PLEKHH2: variants seen among roughly 807,000 people sequenced by gnomAD.
The protein encoded by PLEKHH2 is pleckstrin homology, MyTH4 and FERM domain containing H2, also known as pleckstrin homology domain-containing family H member 2.
In PLEKHH2, 129 loss-of-function variants were observed where a neutral mutation model predicts 187.9. The ratio of observed to expected loss-of-function variants is 0.69; its 90% CI spans 0.59 to 0.79. The LOEUF is 0.79. Ranked by LOEUF, PLEKHH2 falls within the 30% of genes least tolerant of loss-of-function variation. PLEKHH2 has a pLI of 0.00. For missense variants in PLEKHH2, 2,076 were observed against 1,751.2 expected, an observed-to-expected ratio of 1.19 and a Z score of -3.31; for synonymous variants, 686 against 605.6, an observed-to-expected ratio of 1.13 and a Z score of -1.95.
chr2:43,687,019 C>T (rs576348074), intron 3 of PLEKHH2, among the ~76,000 whole-genome samples: 3 of 152,168 alleles, frequency 2.0e-5, no homozygotes, highest in African/African-American at 7.2e-5. Context: ...ATTTTAGACT[C>T]AGAGGGTACA....
Position 43,694,528 on chromosome 2 carries a change from T to C in PLEKHH2, c.420+14T>C. On this transcript the variant is annotated intron_variant, in intron 5 of 29. Transcript: ENST00000282406. ...AAGTTAAATGAGGTATTTATTGCTA[T>C]ATGTTTTCCTTTTCTTTACCTTTTA... 1.3e-6 allele frequency: 2 copies of C among 1,526,306 alleles called. No individual in the cohort carries two copies. The highest frequency in any genetic ancestry group is 8.8e-7 in the Non-Finnish European group (1 of 1,132,310). 94.5% of individuals were successfully genotyped at this position (1,526,306 alleles called of 1,614,324 possible).
rs759891012 is a variant in PLEKHH2, at chr2:43,762,338, T to C, written c.4106T>C (p.Leu1369Ser). 1 of 1,613,284 alleles carries C rather than the reference T, an allele frequency of 6.2e-7. No homozygotes were observed. Among genetic ancestry groups the C allele is most frequent in the South Asian group, 1.1e-5 (1 of 91,062 alleles). Residue 1369 changes from leucine (L) to serine (S), a missense_variant, in exon 28 of 30, where the codon TTG (leucine) becomes TCG (serine). Leu to Ser is a moderately radical substitution (Grantham distance 145). Transcript: ENST00000282406. The stretch of plus-strand genomic sequence containing the variant: ...CCATCATCACTTGGAAGTACTTTCT[T>C]GTGGCTGGCTGTACATGAGGATGGT... The part of the protein sequence containing the change: ...ITPSSLGSTF[L>S]WLAVHEDGLS...
chr2:43,699,777 T>A lies in PLEKHH2; in HGVS notation c.819T>A (p.Gly273=), dbSNP rs879218999. Residue 273 remains glycine (G), a synonymous_variant, in exon 8 of 30, where the codon GGT becomes GGA. Transcript: ENST00000282406. ...CAAGAACAAGCTTTGCCACAGATGG[T>A]GGCATCTCCCAGAATTCTGGGGCTC... ...RKTRTSFATD[G]GISQNSGAPV... is the part of the protein sequence containing the mutation. 8.1e-6 allele frequency: 13 copies of A among 1,613,998 alleles called. No homozygotes were observed. In the South Asian group the frequency reaches 1.2e-4, roughly 15 times the overall value.
chr2:43,696,487 C>A (rs1485405508), intron 6 of PLEKHH2, among the ~76,000 whole-genome samples: 475 of 112,306 alleles, frequency 4.2e-3, no homozygotes, highest in South Asian at 4.9e-3. Flanking sequence ...CACCCTGTCT[C>A]AAAAAAAAAA....
chr2:43,723,259 G>A (rs544412377), intron 16 of PLEKHH2, among the ~76,000 whole-genome samples: 1 of 152,120 alleles, frequency 6.6e-6, no homozygotes, highest in East Asian at 1.9e-4. Flanking sequence ...AGGGTTTTTG[G>A]CAGGCCTGAG....
intron 11 of PLEKHH2, among the ~76,000 whole-genome samples, chr2:43,708,586 T>C (rs6716551): frequency 0.54 from 82,450 of 152,072 alleles, 23,402 homozygotes; most frequent in African/African-American, 0.71. Flanking sequence ...GTCTGCTCTA[T>C]GTTTTATTGT....
intron 8 of PLEKHH2, among the ~76,000 whole-genome samples, chr2:43,700,829 T>C (rs1161137198): frequency 2.6e-5 from 4 of 152,204 alleles, no homozygotes; most frequent in Non-Finnish European, 4.4e-5. Context: ...TTTGTATTTT[T>C]GGTAGAGACG....
chr2:43,755,115 C>A (rs1672164437), intron 25 of PLEKHH2, among the ~76,000 whole-genome samples: 1 of 152,054 alleles, frequency 6.6e-6, no homozygotes, highest in African/African-American at 2.4e-5. Context: ...TCAAGTGATC[C>A]ACCTGCCTTG....
At chr2:43,655,286 AAAC>A in intron 2 of PLEKHH2, among the ~76,000 whole-genome samples, 1 of 152,154 alleles carries the variant, frequency 6.6e-6, no homozygotes, top group East Asian at 1.9e-4. Context: ...GGATAATTAA[AAAC>A]AACAAAAAAA....
intron 3 of PLEKHH2, among the ~76,000 whole-genome samples, chr2:43,688,174 A>G (rs572078238): frequency 6.6e-6 from 1 of 152,324 alleles, no homozygotes; most frequent in South Asian, 2.1e-4. Context: ...AACTATCAAT[A>G]GAGTAAACAT....
chr2:43,712,507 G>A lies in PLEKHH2; in HGVS notation c.2460+124G>A, dbSNP rs964038437. 1.1e-5 allele frequency: 13 copies of A among 1,188,706 alleles called. No individual in the cohort carries two copies. The African/African-American group carries it at 1.5e-4, about 13-fold the overall frequency. The allele number at this position is 1,188,706 out of a possible 1,614,324, so 73.6% of individuals were successfully genotyped here. A position where few individuals can be genotyped will look rare whatever the true frequency, so the allele number is the denominator to read the frequency against. ...TTGATATGATCTTGGGGATAGGAAAGGGTGTTTTTAAGTATGATGCCCAAG... is the reference window on the plus strand; with the variant it reads ...TTGATATGATCTTGGGGATAGGAAAAGGTGTTTTTAAGTATGATGCCCAAG... On this transcript the variant is annotated intron_variant, in intron 15 of 29. Coordinates refer to ENST00000282406, the MANE Select transcript of PLEKHH2 (RefSeq NM_172069.4).
At chr2:43,738,087 G>A (rs185033051) in intron 19 of PLEKHH2, among the ~76,000 whole-genome samples, 2 of 152,312 alleles carry the variant, frequency 1.3e-5, no homozygotes, top group Admixed American at 1.3e-4. Context: ...GGATTGTTAT[G>A]TCTTCTAGAT....
chr2:43,684,617 C>A (rs904696141), intron 3 of PLEKHH2, among the ~76,000 whole-genome samples: 1 of 151,966 alleles, frequency 6.6e-6, no homozygotes, highest in African/African-American at 2.4e-5. Flanking sequence ...TCCTTGTTCC[C>A]GATTCAAGGG....
chr2:43,718,278 A>C (rs1670308403), intron 15 of PLEKHH2, among the ~76,000 whole-genome samples: 1 of 152,138 alleles, frequency 6.6e-6, no homozygotes, highest in African/African-American at 2.4e-5. Context: ...AGTGGCTCAC[A>C]GTGGTAATCC....
chr2:43,737,266 G>A (rs913768563), intron 19 of PLEKHH2, among the ~76,000 whole-genome samples: 2 of 152,110 alleles, frequency 1.3e-5, no homozygotes, highest in African/African-American at 2.4e-5. Flanking sequence ...CATTCACAAC[G>A]TCTGCATCCA....
At chr2:43,693,935 C>A (rs564581750) in intron 4 of PLEKHH2, among the ~76,000 whole-genome samples, 3 of 152,014 alleles carry the variant, frequency 2.0e-5, no homozygotes, top group East Asian at 1.9e-4. Context: ...CTGCCTATTG[C>A]GATTTATTTG....
At chr2:43,765,025 C>T (rs893775760) in intron 29 of PLEKHH2, among the ~76,000 whole-genome samples, 1 of 152,114 alleles carries the variant, frequency 6.6e-6, no homozygotes, top group Non-Finnish European at 1.5e-5. Flanking sequence ...GTGAAAGCAG[C>T]TAACCATTAA....
At chr2:43,674,337 T>C (rs937043289) in intron 2 of PLEKHH2, among the ~76,000 whole-genome samples, 2 of 152,112 alleles carry the variant, frequency 1.3e-5, no homozygotes, top group Non-Finnish European at 2.9e-5. Context: ...AAACCAAATT[T>C]CCCTGAAAAT....
chr2:43,739,595 T>C (rs1558597836), intron 20 of PLEKHH2, among the ~76,000 whole-genome samples: 1 of 152,242 alleles, frequency 6.6e-6, no homozygotes, highest in Non-Finnish European at 1.5e-5. Context: ...CATATGACCA[T>C]GTAAACACAG....
Sources: gnomAD v4.1 joint callset for allele counts (sites outside exome capture counted in the v4.1 genomes callset) on GRCh38, gnomAD v4.1.1 for gene constraint, MANE v1.5 for transcripts, NCBI Gene and HGNC (gene_info 2026-07-23, HGNC 2026-07-21) for gene names.